Variants in NLGN4Y observed in about 807,000 individuals in gnomAD.
NLGN4Y encodes the protein neuroligin 4 Y-linked, also known as neuroligin-4, Y-linked.
Under a neutral mutation model 8.4 loss-of-function variants are expected in NLGN4Y, and 4 were observed. That is an observed-to-expected ratio of 0.48 (90% CI 0.23 to 1.09). NLGN4Y has a LOEUF of 1.09. NLGN4Y is among the 50% of genes least tolerant of loss of function. NLGN4Y has a pLI of 0.19. For missense variants in NLGN4Y, 90 were observed against 192.3 expected, an observed-to-expected ratio of 0.47 and a Z score of 3.15; for synonymous variants, 35 against 75.6, an observed-to-expected ratio of 0.46 and a Z score of 2.78.
intron 2 of NLGN4Y, among the ~76,000 whole-genome samples, chrY:14,697,594 G>GAGAGAGAT (rs61576386): frequency 0.13 from 2,798 of 21,137 alleles, no homozygotes; most frequent in African/African-American, 0.45. Flanking sequence ...ATAGATGAGA[G>GAGAGAGAT]AGATAGATAG....
chrY:14,715,294 G>A, intron 2 of NLGN4Y, among the ~76,000 whole-genome samples: 1 of 32,378 alleles, frequency 3.1e-5, no homozygotes, highest in Non-Finnish European at 7.5e-5. Flanking sequence ...AGTCTCTTTG[G>A]GTATATACTC....
chrY:14,749,274 T>G, intron 4 of NLGN4Y, among the ~76,000 whole-genome samples: 1 of 33,373 alleles, frequency 3.0e-5, no homozygotes. Context: ...GCTAAGGGAT[T>G]AAAGGAGGCT....
intron 2 of NLGN4Y, among the ~76,000 whole-genome samples, chrY:14,655,414 A>C: frequency 6.6e-5 from 2 of 30,115 alleles, no homozygotes; most frequent in African/African-American, 1.3e-4. Flanking sequence ...TCCATCTTCC[A>C]TACTTCAGCA....
intron 1 of NLGN4Y, among the ~76,000 whole-genome samples, chrY:14,618,830 A>G: frequency 3.0e-5 from 1 of 33,364 alleles, no homozygotes; most frequent in African/African-American, 1.2e-4. Context: ...TAGAGGCGGC[A>G]TCTCTACAAC....
chrY:14,813,078 A>T, intron 4 of NLGN4Y, among the ~76,000 whole-genome samples: 1 of 31,244 alleles, frequency 3.2e-5, no homozygotes, highest in Non-Finnish European at 7.7e-5. Context: ...TGATAGGAAA[A>T]ACTGGCCAGG....
At chrY:14,621,769 C>A in intron 1 of NLGN4Y, among the ~76,000 whole-genome samples, 3 of 33,054 alleles carry the variant, frequency 9.1e-5, no homozygotes, top group Admixed American at 8.3e-4. Flanking sequence ...TGTGATAGCA[C>A]CACTGCCCTG....
At chrY:14,692,133 A>T in intron 2 of NLGN4Y, among the ~76,000 whole-genome samples, 1 of 33,102 alleles carries the variant, frequency 3.0e-5, no homozygotes, top group African/African-American at 1.2e-4. Context: ...GGGATTTATG[A>T]AGCTAAATTA....
intron 4 of NLGN4Y, among the ~76,000 whole-genome samples, chrY:14,751,394 G>C: frequency 3.0e-5 from 1 of 33,266 alleles, no homozygotes; most frequent in African/African-American, 1.2e-4. Context: ...ACATGTAGCA[G>C]TATAAGAATT....
intron 5 of NLGN4Y, among the ~76,000 whole-genome samples, chrY:14,825,622 A>G (rs1171541712): frequency 6.2e-5 from 2 of 32,064 alleles, no homozygotes; most frequent in Admixed American, 5.9e-4. Flanking sequence ...TCAGTTCAGC[A>G]TGAGGCACTT....
At chrY:14,559,478 C>A (rs760758704) in intron 1 of NLGN4Y, among the ~76,000 whole-genome samples, 1,290 of 33,049 alleles carry the variant, frequency 0.039, no homozygotes, top group Non-Finnish European at 0.07. Flanking sequence ...GCTTTGATTT[C>A]TTTTAGGGCC....
intron 1 of NLGN4Y, among the ~76,000 whole-genome samples, chrY:14,527,299 A>C: frequency 2.9e-5 from 1 of 34,120 alleles, no homozygotes; most frequent in Non-Finnish European, 7.3e-5. Flanking sequence ...GCAATATAAA[A>C]ATATTTTAAG....
At chrY:14,523,547 C>T, upstream of NLGN4Y, 1 of 120,723 alleles carries the variant, frequency 8.3e-6, no homozygotes. Flanking sequence ...CTGGAGATGG[C>T]GAAAGCAGGA....
chrY:14,700,095 G>C, intron 2 of NLGN4Y, among the ~76,000 whole-genome samples: 1 of 33,558 alleles, frequency 3.0e-5, no homozygotes, highest in Non-Finnish European at 7.4e-5. Context: ...TTAGGTAAAG[G>C]CTCTGAATCC....
chrY:14,592,472 C>T (rs1051881685), intron 1 of NLGN4Y, among the ~76,000 whole-genome samples: 3 of 32,472 alleles, frequency 9.2e-5, no homozygotes, highest in African/African-American at 2.4e-4. Context: ...TCCAACGGTT[C>T]GCAGGTGTAT....
chrY:14,791,801 C>A (rs932366417), intron 4 of NLGN4Y, among the ~76,000 whole-genome samples: 13 of 32,856 alleles, frequency 4.0e-4, no homozygotes, highest in Non-Finnish European at 8.9e-4. Context: ...CAAACCTGAA[C>A]AGGAACCCAA....
intron 2 of NLGN4Y, among the ~76,000 whole-genome samples, chrY:14,682,128 A>C: frequency 3.0e-5 from 1 of 33,453 alleles, no homozygotes; most frequent in South Asian, 6.7e-4. Flanking sequence ...GATTGTGATC[A>C]TAGTTTTGAG....
At chrY:14,630,590 A>C in intron 2 of NLGN4Y, among the ~76,000 whole-genome samples, 1 of 33,650 alleles carries the variant, frequency 3.0e-5, no homozygotes, top group African/African-American at 1.2e-4. Flanking sequence ...ACTAAGGAAG[A>C]GTTTTATCAC....
At chrY:14,550,530 G>C (rs908551041) in intron 1 of NLGN4Y, among the ~76,000 whole-genome samples, 2 of 33,825 alleles carry the variant, frequency 5.9e-5, no homozygotes, top group African/African-American at 2.3e-4. Flanking sequence ...TGTTCCTTCC[G>C]TATTTAGTCC....
intron 1 of NLGN4Y, among the ~76,000 whole-genome samples, chrY:14,550,033 GTCCTGGCGTGTGCGTGCT>G (rs761120229): frequency 6.3e-4 from 21 of 33,236 alleles, no homozygotes; most frequent in East Asian, 3.2e-3. Context: ...GTGTGCATGC[GTCCTGGCGTGTGCGTGCT>G]TCCTGGCGTG....
Sources: gnomAD v4.1 joint callset for allele counts (sites outside exome capture counted in the v4.1 genomes callset) on GRCh38, gnomAD v4.1.1 for gene constraint, MANE v1.5 for transcripts, NCBI Gene and HGNC (gene_info 2026-07-23, HGNC 2026-07-21) for gene names.